Variants in CACNA1C observed in about 807,000 individuals in gnomAD.
The protein encoded by CACNA1C is voltage-dependent L-type calcium channel subunit alpha-1C.
In CACNA1C, 30 loss-of-function variants were observed where a neutral mutation model predicts 229.0. The observed-to-expected ratio is 0.13, with a 90% CI of 0.10 to 0.18. CACNA1C has a LOEUF of 0.18. Ranked by LOEUF, CACNA1C falls within the 10% of genes least tolerant of loss-of-function variation. The pLI is 1.00. For missense variants in CACNA1C, 1,658 were observed against 2,845.0 expected (o/e 0.58, Z 9.49); for synonymous variants, 1,114 against 1,132.5 (o/e 0.98, Z 0.33).
chr12:2,505,628 G>A (rs1269977217), intron 8 of CACNA1C, among the ~76,000 whole-genome samples: 1 of 152,176 alleles, frequency 6.6e-6, no homozygotes, highest in African/African-American at 2.4e-5. Flanking sequence ...TCGTGCCACT[G>A]CACTGCAGCC....
chr12:2,023,234 C>T (rs1338587136), intron 1 of CACNA1C, among the ~76,000 whole-genome samples: 1 of 152,114 alleles, frequency 6.6e-6, no homozygotes, highest in African/African-American at 2.4e-5. Context: ...ACTTTAGAAC[C>T]CATTCTCTAT....
Position 2,654,291 on chromosome 12 carries a change from G to A in CACNA1C, c.4140+391G>A, listed in dbSNP as rs2095289581. 1.3e-5 allele frequency among the ~76,000 whole-genome samples: 2 copies of A among 152,158 alleles called. No homozygotes were observed. The highest frequency in any genetic ancestry group is 2.4e-5 in the African/African-American group (1 of 41,442). On this transcript the variant is annotated intron_variant, in intron 33 of 46. Coordinates refer to ENST00000399655, the MANE Select transcript of CACNA1C (RefSeq NM_000719.7). This position sits in a 1 kb window ranked among gnomAD's most constrained non-coding sequence, Gnocchi z 4.4. ...CCCCTGTTTGTGTCCAGGTCTGATG[G>A]GCCTGAGAGTTACCCCAACCAGATT...
At chr12:2,489,428 G>C (rs986544510) in intron 6 of CACNA1C, among the ~76,000 whole-genome samples, 1 of 152,178 alleles carries the variant, frequency 6.6e-6, no homozygotes, top group Non-Finnish European at 1.5e-5. Flanking sequence ...CAGAAGAGGC[G>C]GCGTTTCCCT....
At chr12:2,019,472 A>C (rs560344119) in intron 1 of CACNA1C, among the ~76,000 whole-genome samples, 1 of 149,230 alleles carries the variant, frequency 6.7e-6, no homozygotes, top group African/African-American at 2.5e-5. Context: ...AAATAAACAT[A>C]ACAAAGAAAG....
chr12:2,582,706 G>A, intron 14 of CACNA1C, 116 bp from the exon 15 acceptor site: 8 of 1,109,740 alleles, frequency 7.2e-6, no homozygotes, highest in South Asian at 1.5e-5. Flanking sequence ...AGGAGGGAAA[G>A]AAGTGAAAGG....
intron 3 of CACNA1C, among the ~76,000 whole-genome samples, chr12:2,228,139 G>A (rs757707747): frequency 6.6e-6 from 1 of 152,152 alleles, no homozygotes; most frequent in South Asian, 2.1e-4. Context: ...TCAGAGTTCA[G>A]TTGGCTTGTG....
intron 5 of CACNA1C, among the ~76,000 whole-genome samples, chr12:2,462,327 T>C (rs2099514787): frequency 7.2e-6 from 1 of 138,016 alleles, no homozygotes; most frequent in Non-Finnish European, 1.6e-5. Context: ...GCGCACCTCC[T>C]CGGCCCGCCC....
chr12:1,979,387 T>G (rs2035446203), intron 1 of CACNA1C, among the ~76,000 whole-genome samples: 1 of 152,160 alleles, frequency 6.6e-6, no homozygotes, highest in Non-Finnish European at 1.5e-5. Flanking sequence ...CCATCTTGGC[T>G]CACTACAACC....
At chr12:2,494,577 G>C (rs546099703) in intron 7 of CACNA1C, among the ~76,000 whole-genome samples, 1 of 152,368 alleles carries the variant, frequency 6.6e-6, no homozygotes, top group African/African-American at 2.4e-5. Flanking sequence ...CCAAAGCAGG[G>C]AAGAGTGAGA....
chr12:2,067,484 G>A lies in CACNA1C; in HGVS notation c.49+13873G>A, dbSNP rs975453064. 1.4e-5 allele frequency among the ~76,000 whole-genome samples: 2 copies of A among 147,036 alleles called. No individual in the cohort carries two copies. The highest frequency in any genetic ancestry group is 5.4e-5 in the African/African-American group (2 of 37,170). Reference sequence around the variant, plus strand: ...TGTGTGTGTGTGTGTGTGTGTGTGCGCGCGTGTGCGTGCCTGTATGTAAGG... The same window carrying A: ...TGTGTGTGTGTGTGTGTGTGTGTGCACGCGTGTGCGTGCCTGTATGTAAGG... On this transcript the variant is annotated intron_variant, in intron 1 of 46. Transcript: ENST00000399655. This position sits in a 1 kb window ranked among gnomAD's most constrained non-coding sequence, Gnocchi z 5.3.
At chr12:2,078,080 GC>G (rs1262962569) in intron 1 of CACNA1C, among the ~76,000 whole-genome samples, 1 of 152,218 alleles carries the variant, frequency 6.6e-6, no homozygotes, top group Non-Finnish European at 1.5e-5. Flanking sequence ...TGGGGATAGG[GC>G]CTTTGGGAGT....
chr12:2,402,176 T>C (rs1037841803), intron 3 of CACNA1C, among the ~76,000 whole-genome samples: 3 of 152,264 alleles, frequency 2.0e-5, no homozygotes, highest in Non-Finnish European at 4.4e-5. Flanking sequence ...CCACCAAAGC[T>C]AGACAATTAT....
At chr12:2,367,405 G>T (rs2097754873) in intron 3 of CACNA1C, among the ~76,000 whole-genome samples, 1 of 152,170 alleles carries the variant, frequency 6.6e-6, no homozygotes, top group Non-Finnish European at 1.5e-5. Context: ...AACAAAAAAT[G>T]AGAAAGTAAA....
chr12:2,085,563 G>A (rs1365844065), intron 1 of CACNA1C, among the ~76,000 whole-genome samples: 2 of 152,094 alleles, frequency 1.3e-5, no homozygotes, highest in Non-Finnish European at 2.9e-5. Context: ...TCAATTGAGT[G>A]GGGTAATTAT....
At chr12:2,363,157 G>T (rs112335276) in intron 3 of CACNA1C, among the ~76,000 whole-genome samples, 27 of 152,068 alleles carry the variant, frequency 1.8e-4, no homozygotes, top group African/African-American at 2.9e-4. Flanking sequence ...GCATCCTCTT[G>T]TCCCAGTTGT....
intron 3 of CACNA1C, among the ~76,000 whole-genome samples, chr12:2,362,753 G>C (rs1382169844): frequency 1.3e-5 from 2 of 152,188 alleles, no homozygotes; most frequent in Admixed American, 1.3e-4. Flanking sequence ...TCCTGTGGCT[G>C]CAGACTGTAA....
At chr12:2,041,270 CTTTTTTTTTTTTT>C (rs58922699) in intron 1 of CACNA1C, among the ~76,000 whole-genome samples, 7,374 of 91,228 alleles carry the variant, frequency 0.081, 308 homozygotes, top group Middle Eastern at 0.2. Flanking sequence ...TAAGGGTATT[CTTTTTTTTTTTTT>C]TTTTTTTTTT....
chr12:2,187,568 C>G (rs909225039), intron 3 of CACNA1C, among the ~76,000 whole-genome samples: 2 of 152,226 alleles, frequency 1.3e-5, no homozygotes, highest in Admixed American at 1.3e-4. Context: ...AGGTAAGTCT[C>G]CCTCTCAGAG....
At chr12:2,648,325 C>G in intron 30 of CACNA1C, 150 bp from the exon 31 acceptor site, 1 of 730,196 alleles carries the variant, frequency 1.4e-6, no homozygotes, top group Non-Finnish European at 2.4e-6. Flanking sequence ...GCCCCAGGAC[C>G]TGCCAGGCCT....
Sources: gnomAD v4.1 joint callset for allele counts (sites outside exome capture counted in the v4.1 genomes callset) on GRCh38, gnomAD v4.1.1 for gene constraint, Gnocchi (gnomAD v3.1) non-coding constraint, MANE v1.5 for transcripts, NCBI Gene and HGNC (gene_info 2026-07-23, HGNC 2026-07-21) for gene names.